The following ZNF146 variants were observed in gnomAD, a reference collection of about 807,000 sequenced individuals.
ZNF146 encodes the protein zinc finger protein 146.
In ZNF146, 9 loss-of-function variants were observed where a neutral mutation model predicts 22.2. The observed-to-expected ratio is 0.41, with a 90% CI of 0.24 to 0.71. ZNF146 has a LOEUF of 0.71. Among genes scored for constraint, ZNF146 ranks in the 30% least tolerant of loss-of-function variants. The pLI is 0.34. For missense variants in ZNF146, 194 were observed against 344.8 expected (o/e 0.56, Z 3.46); for synonymous variants, 108 against 119.2 (o/e 0.91, Z 0.61).
rs1977676343 is a variant in ZNF146 at position 36,237,239 on chromosome 19, C to A, written c.799C>A (p.Pro267Thr). Residue 267 changes from proline to threonine, a missense_variant, in exon 4 of 4, where the codon CCT becomes ACT. By Grantham distance (38) the Pro-to-Thr change is conservative. This residue lies in a region of ZNF146 where 147 missense variants were observed against 300.1 expected (regional missense o/e 0.49). Coordinates refer to ENST00000443387, the MANE Select transcript of ZNF146 (RefSeq NM_007145.3). Reference protein sequence around the residue: ...LHLRIHTGKKPYQCSECGKAF... With the variant: ...LHLRIHTGKKTYQCSECGKAF... The stretch of plus-strand genomic sequence containing the variant: ...TTTGAGAATACACACAGGTAAGAAG[C>A]CTTATCAGTGCAGTGAATGTGGGAA... 6.2e-7 allele frequency: 1 copy of A among 1,614,050 alleles called. No homozygotes were observed. The highest frequency in any genetic ancestry group is 8.5e-7 in the Non-Finnish European group (1 of 1,179,984).
chr19:36,227,767 G>A (rs1325356183), intron 2 of ZNF146, among the ~76,000 whole-genome samples: 2 of 152,110 alleles, frequency 1.3e-5, no homozygotes, highest in Non-Finnish European at 2.9e-5. Flanking sequence ...TGCCCAGCCT[G>A]GTCTTGAACT....
chr19:36,226,196 G>C (rs772164337), intron 2 of ZNF146, among the ~76,000 whole-genome samples: 2 of 152,136 alleles, frequency 1.3e-5, no homozygotes, highest in Non-Finnish European at 2.9e-5. Context: ...CGATCTCTCT[G>C]CCTGCATGTG....
chr19:36,216,233 A>G (rs1377531562), intron 1 of ZNF146, among the ~76,000 whole-genome samples: 1 of 152,236 alleles, frequency 6.6e-6, no homozygotes, highest in African/African-American at 2.4e-5. Context: ...TTAAAGGTTC[A>G]GAACTATTAG....
chr19:36,222,897 CT>C (rs34403288), intron 2 of ZNF146, among the ~76,000 whole-genome samples: 1 of 141,824 alleles, frequency 7.1e-6, no homozygotes, highest in Non-Finnish European at 1.5e-5. Flanking sequence ...ATAATAGTTT[CT>C]TTTTTTACAT....
chr19:36,227,176 G>T (rs1977105512), intron 2 of ZNF146, among the ~76,000 whole-genome samples: 1 of 151,902 alleles, frequency 6.6e-6, no homozygotes, highest in South Asian at 2.1e-4. Flanking sequence ...ATCACCTGAG[G>T]TCAGGGGTTC....
At chr19:36,219,585 C>T (rs1410330458) in intron 2 of ZNF146, among the ~76,000 whole-genome samples, 2 of 152,068 alleles carry the variant, frequency 1.3e-5, no homozygotes, top group Non-Finnish European at 2.9e-5. Flanking sequence ...AAATTGCATA[C>T]CATTAGGAGA....
At chr19:36,230,990 G>C (rs1977333870) in intron 3 of ZNF146, among the ~76,000 whole-genome samples, 1 of 151,758 alleles carries the variant, frequency 6.6e-6, no homozygotes, top group Non-Finnish European at 1.5e-5. Context: ...TAGTAGAGTC[G>C]AGGTTTCACC....
Position 36,236,791 on chromosome 19 carries a change from A to G in ZNF146, c.351A>G (p.Arg117=). 1 of 1,614,152 alleles carries G rather than the reference A, an allele frequency of 6.2e-7. No homozygotes were observed. The highest frequency in any genetic ancestry group is 1.1e-5 in the South Asian group (1 of 91,072). The change falls in exon 4 of 4, where the codon AGA becomes AGG. Residue 117 remains arginine, a synonymous_variant. Transcript: ENST00000443387. Reference sequence around the variant, plus strand: ...TCATTCAGAAGTCAAACCTCATCAGACACCAGAGAACTCACACAGGAGAGA... The same window carrying G: ...TCATTCAGAAGTCAAACCTCATCAGGCACCAGAGAACTCACACAGGAGAGA... The part of the protein sequence containing the change: ...KAFIQKSNLI[R]HQRTHTGEKP...
At chr19:36,227,096 A>AT (rs60662850) in intron 2 of ZNF146, among the ~76,000 whole-genome samples, 17 of 148,682 alleles carry the variant, frequency 1.1e-4, no homozygotes, top group South Asian at 6.4e-4. Flanking sequence ...AAAAAAAAAA[A>AT]TTTTTTTTTT....
chr19:36,230,424 A>G (rs1977277995), intron 3 of ZNF146, among the ~76,000 whole-genome samples: 1 of 152,218 alleles, frequency 6.6e-6, no homozygotes, highest in Non-Finnish European at 1.5e-5. Flanking sequence ...ATACTATCAG[A>G]TAGTGATAAG....
chr19:36,217,656 A>G (rs959970586), intron 1 of ZNF146, among the ~76,000 whole-genome samples: 5 of 152,056 alleles, frequency 3.3e-5, no homozygotes, highest in African/African-American at 1.2e-4. Context: ...AGGCCAACGC[A>G]GGCGGATCAC....
At position 36,228,805 on chromosome 19, in the gene ZNF146, GA is replaced by G. The variant is rs759178878; in HGVS notation, c.-795del. The G allele has an allele frequency of 6.6e-6, 1 of 152,270 alleles. No homozygotes were observed. Among genetic ancestry groups the G allele is most frequent in the Non-Finnish European group, 1.5e-5 (1 of 68,094 alleles). The allele number at this position is 152,270 out of a possible 1,614,324, so 9.4% of individuals were successfully genotyped here. A position where few individuals can be genotyped will look rare whatever the true frequency, so the allele number is the denominator to read the frequency against. On this transcript the variant is annotated 5_prime_UTR_variant, in exon 3 of 4. It removes the in-frame stop codon of an upstream open reading frame in the 5' UTR. Transcript: ENST00000443387. The stretch of plus-strand genomic sequence containing the variant: ...AACTGTATGGTGGAGAAAGAAGTGG[GA>G]AGGATCTGCGCGGGTGAGTAAATGA...
At chr19:36,220,479 T>A in intron 2 of ZNF146, among the ~76,000 whole-genome samples, 1 of 151,812 alleles carries the variant, frequency 6.6e-6, no homozygotes, top group Admixed American at 6.6e-5. Context: ...ATTCTCCTGC[T>A]TCAGCCTCCC....
At chr19:36,222,104 T>A (rs927289814) in intron 2 of ZNF146, among the ~76,000 whole-genome samples, 3 of 151,956 alleles carry the variant, frequency 2.0e-5, no homozygotes, top group African/African-American at 7.3e-5. Flanking sequence ...TTTTTTACTT[T>A]TTGTAGAGAT....
chr19:36,216,561 G>C (rs1302280015), intron 1 of ZNF146, among the ~76,000 whole-genome samples: 2 of 152,280 alleles, frequency 1.3e-5, no homozygotes, highest in South Asian at 2.1e-4. Flanking sequence ...CGGAGGCTGA[G>C]GCAGGAAAAT....
chr19:36,219,243 A>T (rs1335627194), intron 2 of ZNF146, among the ~76,000 whole-genome samples: 4 of 151,312 alleles, frequency 2.6e-5, no homozygotes, highest in African/African-American at 9.7e-5. Context: ...TGCAGCCTCC[A>T]CCTCCTGGGC....
rs1568429068 is a variant in ZNF146 at position 36,220,337 on chromosome 19, TCTTAGCTCCTAGTTC to T, written c.-855+2143_-855+2157del. On this transcript the variant is annotated intron_variant, in intron 2 of 3. Transcript: ENST00000443387. ...AATGGTATAGTATTTTTACCTAATT[TCTTAGCTCCTAGTTC>T]TTTTTTTTAATTTAATTTTATTTTA... Among the ~76,000 whole-genome samples, 464 of 115,190 alleles carry T rather than the reference TCTTAGCTCCTAGTTC, an allele frequency of 4.0e-3. 16 individuals are homozygous for T. The highest frequency in any genetic ancestry group is 0.014 in the Middle Eastern group (3 of 216). The allele number at this position is 115,190 out of a possible 152,430, so 75.6% of individuals were successfully genotyped here.
At chr19:36,216,377 A>G (rs986627685) in intron 1 of ZNF146, among the ~76,000 whole-genome samples, 1 of 152,174 alleles carries the variant, frequency 6.6e-6, no homozygotes, top group African/African-American at 2.4e-5. Context: ...GCGGTGGCTC[A>G]TGCCTGTAAT....
intron 1 of ZNF146, among the ~76,000 whole-genome samples, chr19:36,217,055 C>CTTTTTTTTTTTTT (rs752632008): frequency 1.5e-5 from 1 of 65,878 alleles, no homozygotes; most frequent in Non-Finnish European, 2.6e-5. Flanking sequence ...CAGTCCCTGT[C>CTTTTTTTTTTTTT]TTTTTTTTTT....
Sources: gnomAD v4.1 joint callset for allele counts (sites outside exome capture counted in the v4.1 genomes callset) on GRCh38, gnomAD v4.1.1 for gene constraint, gnomAD v4.1.1 regional missense constraint, MANE v1.5 for transcripts, NCBI Gene and HGNC (gene_info 2026-07-23, HGNC 2026-07-21) for gene names.